Variants in CEP57 observed in about 807,000 individuals in gnomAD.
The protein encoded by CEP57 is centrosomal protein of 57 kDa.
CEP57 carries 40 observed loss-of-function variants against 68.0 expected under a neutral mutation model. The observed-to-expected ratio is 0.59, with a 90% CI of 0.46 to 0.77. The LOEUF (loss-of-function observed/expected upper bound fraction) is 0.77, where lower values mean the gene tolerates loss of function less well. CEP57 is among the 30% of genes least tolerant of loss of function. The pLI is 0.00. For missense variants in CEP57, 606 were observed against 580.7 expected (o/e 1.04, Z -0.45); for synonymous variants, 219 against 198.7 (o/e 1.10, Z -0.86).
Position 95,793,657 on chromosome 11 carries a change from C to T in CEP57, c.45+2914C>T, listed in dbSNP as rs185415210. Among the ~76,000 whole-genome samples, 48 of 152,150 alleles carry T rather than the reference C, an allele frequency of 3.2e-4. No homozygotes were observed. The East Asian group carries it at 6.6e-3, about 21-fold the overall frequency. ...CTGGCAAGGCATAATCCTTAAAGAC[C>T]CTTTTCATGCATTAACTCATTTAAT... is the stretch of plus-strand genomic sequence containing the variant. On this transcript the variant is annotated intron_variant, in intron 1 of 10. Coordinates refer to ENST00000325542, the MANE Select transcript of CEP57 (RefSeq NM_014679.5).
chr11:95,832,209 A>G lies in CEP57; in HGVS notation c.*953A>G, dbSNP rs1863034174. On this transcript the variant is annotated 3_prime_UTR_variant, in exon 11 of 11. Transcript: ENST00000325542. Reference sequence around the variant, plus strand: ...TTAACCTTTTATAAATTTAAAGTCAATAAAGCACCTTTTTAAAGGAAACAC... The same window carrying G: ...TTAACCTTTTATAAATTTAAAGTCAGTAAAGCACCTTTTTAAAGGAAACAC... The G allele has an allele frequency of 6.6e-6, 1 of 152,162 alleles. No homozygotes were observed. The highest frequency in any genetic ancestry group is 1.5e-5 in the Non-Finnish European group (1 of 67,996). The allele number at this position is 152,162 out of a possible 1,614,324, so 9.4% of individuals were successfully genotyped here.
intron 2 of CEP57, 43 bp downstream of exon 2, chr11:95,799,431 C>A (rs777752947): frequency 6.2e-7 from 1 of 1,609,844 alleles, no homozygotes; most frequent in Non-Finnish European, 8.5e-7. Flanking sequence ...TGTTTTCTTG[C>A]TGCTTTAAAA....
intron 1 of CEP57, among the ~76,000 whole-genome samples, chr11:95,792,210 A>C (rs556887226): frequency 6.6e-6 from 1 of 152,190 alleles, no homozygotes; most frequent in African/African-American, 2.4e-5. Flanking sequence ...AAAAAGTAAA[A>C]AACTATTGGA....
chr11:95,800,698 T>C (rs1861540096), intron 2 of CEP57, among the ~76,000 whole-genome samples: 1 of 152,166 alleles, frequency 6.6e-6, no homozygotes, highest in Non-Finnish European at 1.5e-5. Context: ...CCAAGTCTCT[T>C]ATGTTTCAAA....
intron 2 of CEP57, among the ~76,000 whole-genome samples, chr11:95,806,827 C>G (rs760689116): frequency 1.3e-5 from 2 of 152,238 alleles, no homozygotes. Flanking sequence ...GCAGAAACTT[C>G]TGCAGACTTA....
chr11:95,812,343 T>C (rs940635375), intron 2 of CEP57, among the ~76,000 whole-genome samples: 9 of 152,170 alleles, frequency 5.9e-5, no homozygotes, highest in Non-Finnish European at 1.0e-4. Flanking sequence ...TTTACCACTT[T>C]ATAAAAGTCT....
chr11:95,792,678 A>G (rs187035597), intron 1 of CEP57, among the ~76,000 whole-genome samples: 8 of 152,350 alleles, frequency 5.3e-5, no homozygotes, highest in Admixed American at 4.6e-4. Flanking sequence ...TCAAGGGTAC[A>G]CTAAGAATAT....
chr11:95,818,399 G>A (rs1270024898), intron 5 of CEP57, among the ~76,000 whole-genome samples: 1 of 141,820 alleles, frequency 7.1e-6, no homozygotes, highest in African/African-American at 2.6e-5. Flanking sequence ...CAACAAGAGC[G>A]AAACTCCATC....
intron 1 of CEP57, among the ~76,000 whole-genome samples, chr11:95,792,592 C>A (rs1441312557): frequency 1.3e-5 from 2 of 152,248 alleles, no homozygotes; most frequent in African/African-American, 4.8e-5. Flanking sequence ...GTACCCTTGA[C>A]AGAAATACCA....
Position 95,799,164 on chromosome 11 carries a change from A to G in CEP57, c.46-68A>G. The stretch of plus-strand genomic sequence containing the variant: ...TGGACAGTCAATCTCAGTCATAAAT[A>G]TTTGTGATTTAAATCTGCTATTTGT... On this transcript the variant is annotated intron_variant, in intron 1 of 10. Coordinates refer to ENST00000325542, the MANE Select transcript of CEP57 (RefSeq NM_014679.5). 6 of 1,503,992 alleles carry G rather than the reference A, an allele frequency of 4.0e-6. No individual in the cohort carries two copies. In the South Asian group the frequency reaches 5.7e-5, roughly 14 times the overall value. The allele number at this position is 1,503,992 out of a possible 1,614,324, so 93.2% of individuals were successfully genotyped here.
In CEP57 at chr11:95,818,874, A is replaced by G. The variant is rs751672542; in HGVS notation, c.669A>G (p.Glu223=). The G allele has an allele frequency of 2.0e-5, 32 of 1,613,950 alleles. No individual in the cohort carries two copies. The East Asian group carries it at 6.9e-4, about 35-fold the overall frequency. The change falls in exon 6 of 11, where the codon GAA becomes GAG. Residue 223 remains glutamate, a synonymous_variant. Transcript: ENST00000325542. ...CAAAACTCCATGAAGAAGAACAGGA[A>G]AGGAAACGCATGCAAGCTAAGGCAG... ...LEAKLHEEEQ[E]RKRMQAKAAE... is the part of the protein sequence containing the mutation.
At chr11:95,823,010 A>G in intron 8 of CEP57, 1 of 225,478 alleles carries the variant, frequency 4.4e-6, no homozygotes, top group South Asian at 6.9e-5. Flanking sequence ...TCCAAGAAGC[A>G]GTCATACGTA....
At position 95,822,557 on chromosome 11, in the gene CEP57, T is replaced by C; in HGVS notation, c.866T>C (p.Met289Thr). The change falls in exon 8 of 11, where the codon ATG becomes ACG. Residue 289 changes from methionine to threonine, a missense_variant. Physicochemically the swap from Met to Thr is moderately conservative, Grantham distance 81 (BLOSUM62 -1). Transcript: ENST00000325542. ...QPHYRLCLGD[M>T]PFVAGKSTSP... ...CATTATAGATTATGCTTGGGTGATA[T>C]GCCATTTGTAGCTGGGAAGGTGAGT... The C allele has an allele frequency of 6.2e-7, 1 of 1,613,798 alleles. No homozygotes were observed. The highest frequency in any genetic ancestry group is 8.5e-7 in the Non-Finnish European group (1 of 1,179,710).
chr11:95,831,080 A>T lies in CEP57; in HGVS notation c.1327A>T (p.Thr443Ser). 1 of 1,613,440 alleles carries T rather than the reference A, an allele frequency of 6.2e-7. No homozygotes were observed. The highest frequency in any genetic ancestry group is 1.1e-5 in the South Asian group (1 of 90,888). Residue 443 changes from threonine (T) to serine (S), a missense_variant, in exon 11 of 11, where the codon ACT becomes TCT. Thr to Ser is a moderately conservative substitution (Grantham distance 58, BLOSUM62 1). Transcript: ENST00000325542. ...GAAGGAATTAAAAGCTACCAAAAAG[A>T]CTCTTGATGAAGAAAGAAACAGCAG... ...QKKELKATKK[T>S]LDEERNSSSR...
chr11:95,794,735 T>C (rs976440135), intron 1 of CEP57, among the ~76,000 whole-genome samples: 5 of 152,184 alleles, frequency 3.3e-5, no homozygotes, highest in African/African-American at 9.6e-5. Flanking sequence ...AATTAGTGAT[T>C]TCTGTTTAAG....
At position 95,799,280 on chromosome 11, in the gene CEP57, T is replaced by C. The variant is rs1417353332; in HGVS notation, c.94T>C (p.Ser32Pro). Residue 32 changes from serine (S) to proline (P), a missense_variant, in exon 2 of 11, where the codon TCT becomes CCT. By Grantham distance (74) the Ser-to-Pro change is moderately conservative. Coordinates refer to ENST00000325542, the MANE Select transcript of CEP57 (RefSeq NM_014679.5). ...SRSNGSMVRHSSSPYVVYPSD... is the reference protein window; with the variant it reads ...SRSNGSMVRHPSSPYVVYPSD... ...GTCTAATGGAAGCATGGTTCGGCAT[T>C]CTTCATCTCCATATGTAGTATATCC... 6.2e-7 allele frequency: 1 copy of C among 1,614,120 alleles called. No individual in the cohort carries two copies. The highest frequency in any genetic ancestry group is 1.7e-5 in the Admixed American group (1 of 60,028).
chr11:95,806,095 A>T (rs1478379454), intron 2 of CEP57, among the ~76,000 whole-genome samples: 2 of 152,230 alleles, frequency 1.3e-5, no homozygotes, highest in Non-Finnish European at 2.9e-5. Flanking sequence ...CAATTATAAA[A>T]GTGACCACAA....
In CEP57 at chr11:95,797,230, A is replaced by G. The variant is rs563646910; in HGVS notation, c.46-2002A>G. ...TGCCTAGGCTGTAGTGCAGTGGCCCAATCTTGGCTCACCACAACCTCCACC... is the reference window on the plus strand; with the variant it reads ...TGCCTAGGCTGTAGTGCAGTGGCCCGATCTTGGCTCACCACAACCTCCACC... On this transcript the variant is annotated intron_variant, in intron 1 of 10. Coordinates refer to ENST00000325542, the MANE Select transcript of CEP57 (RefSeq NM_014679.5). Among the ~76,000 whole-genome samples, 3 of 139,044 alleles carry G rather than the reference A, an allele frequency of 2.2e-5. No individual in the cohort carries two copies. In the South Asian group the frequency reaches 6.9e-4, roughly 32 times the overall value. The allele number at this position is 139,044 out of a possible 152,430, so 91.2% of individuals were successfully genotyped here.
At chr11:95,791,811 T>C (rs1861093085) in intron 1 of CEP57, among the ~76,000 whole-genome samples, 1 of 152,142 alleles carries the variant, frequency 6.6e-6, no homozygotes, top group Non-Finnish European at 1.5e-5. Flanking sequence ...TTGGAGTATG[T>C]GCTAGAACAG....
Sources: gnomAD v4.1 joint callset for allele counts (sites outside exome capture counted in the v4.1 genomes callset) on GRCh38, gnomAD v4.1.1 for gene constraint, MANE v1.5 for transcripts, NCBI Gene and HGNC (gene_info 2026-07-23, HGNC 2026-07-21) for gene names.